The following ATRNL1 variants were observed in gnomAD, a reference collection of about 807,000 sequenced individuals.
ATRNL1 encodes the protein attractin like 1.
Under a neutral mutation model 182.7 loss-of-function variants are expected in ATRNL1, and 95 were observed. That is an observed-to-expected ratio of 0.52 (90% CI 0.44 to 0.62). The LOEUF is 0.62. Ranked by LOEUF, ATRNL1 falls within the 20% of genes least tolerant of loss-of-function variation. ATRNL1 has a pLI of 0.00. For synonymous variants in ATRNL1, 576 were observed against 568.3 expected (o/e 1.01, Z -0.19); for missense variants, 1,471 against 1,679.5 (o/e 0.88, Z 2.17).
chr10:115,245,565 C>G (rs1319284679), intron 10 of ATRNL1, among the ~76,000 whole-genome samples: 16 of 150,214 alleles, frequency 1.1e-4, no homozygotes, highest in African/African-American at 3.7e-4. Context: ...CTGATTTTGT[C>G]CAACTGTTTG....
At chr10:115,394,841 T>G in intron 20 of ATRNL1, 89 bp downstream of exon 20, 1 of 996,004 alleles carries the variant, frequency 1.0e-6, no homozygotes, top group Non-Finnish European at 1.5e-6. Context: ...TTTAGTGTTG[T>G]GCTAGTTAGG....
intron 27 of ATRNL1, among the ~76,000 whole-genome samples, chr10:115,812,634 ACC>A (rs1176286188): frequency 6.6e-6 from 1 of 151,810 alleles, no homozygotes; most frequent in Non-Finnish European, 1.5e-5. Context: ...ACACCACCAC[ACC>A]CAGCTAATTT....
At chr10:115,331,254 G>C (rs2134064830) in intron 18 of ATRNL1, among the ~76,000 whole-genome samples, 1 of 152,184 alleles carries the variant, frequency 6.6e-6, no homozygotes, top group East Asian at 1.9e-4. Flanking sequence ...TAGAGATGGG[G>C]TTTCACCATG....
At chr10:115,239,422 T>A (rs1409503005) in intron 9 of ATRNL1, among the ~76,000 whole-genome samples, 1 of 151,864 alleles carries the variant, frequency 6.6e-6, no homozygotes, top group Non-Finnish European at 1.5e-5. Flanking sequence ...TTAGTAGAGA[T>A]GGGGTTTCAC....
At chr10:115,885,619 A>C (rs1167422024) in intron 28 of ATRNL1, among the ~76,000 whole-genome samples, 1 of 152,240 alleles carries the variant, frequency 6.6e-6, no homozygotes, top group African/African-American at 2.4e-5. Flanking sequence ...GAAATCACTT[A>C]TAATTCCTTA....
In ATRNL1 at chr10:115,232,685, T is replaced by G. The variant is rs187229398; in HGVS notation, c.1533-8886T>G. 7.3e-5 allele frequency among the ~76,000 whole-genome samples: 11 copies of G among 150,158 alleles called. No individual in the cohort carries two copies. In the East Asian group the frequency reaches 7.8e-4, roughly 11 times the overall value. ...CTTTAACCCAACTGGATAAGGACTT[T>G]TGTGTGTGTGTGTGTGTGTATGTGT... is the stretch of plus-strand genomic sequence containing the variant. On this transcript the variant is annotated intron_variant, in intron 9 of 28. Transcript: ENST00000355044.
In ATRNL1 at chr10:115,122,487, G is replaced by C. The variant is rs1844785352; in HGVS notation, c.491+675G>C. Among the ~76,000 whole-genome samples the C allele has an allele frequency of 3.9e-5, 6 of 151,902 alleles. No individual in the cohort carries two copies. In the South Asian group the frequency reaches 1.2e-3, roughly 32 times the overall value. On this transcript the variant is annotated intron_variant, in intron 3 of 28. Transcript: ENST00000355044. ...TTATATATAATTTAACATGATTGTT[G>C]ATAAGTTACTCATTATATTATTTAC...
intron 6 of ATRNL1, among the ~76,000 whole-genome samples, chr10:115,163,514 A>T (rs1268459): frequency 2.0e-5 from 3 of 151,478 alleles, no homozygotes; most frequent in African/African-American, 7.3e-5. Flanking sequence ...TAGGCATGCA[A>T]CACTATGCCT....
At chr10:115,457,335 GCAT>G (rs1224399041) in intron 21 of ATRNL1, among the ~76,000 whole-genome samples, 1 of 151,892 alleles carries the variant, frequency 6.6e-6, no homozygotes, top group Non-Finnish European at 1.5e-5. Context: ...TAGTTAAAAG[GCAT>G]CATACACCAG....
intron 10 of ATRNL1, among the ~76,000 whole-genome samples, chr10:115,263,677 A>G (rs529525640): frequency 5.5e-4 from 83 of 151,910 alleles, no homozygotes; most frequent in African/African-American, 1.9e-3. Flanking sequence ...ACTTTATATA[A>G]TTTCTTTTGC....
At chr10:115,510,285 A>G (rs781931478) in intron 24 of ATRNL1, among the ~76,000 whole-genome samples, 13 of 152,100 alleles carry the variant, frequency 8.5e-5, no homozygotes, top group Non-Finnish European at 1.6e-4. Context: ...TCCAATTGCA[A>G]AAGTTCTGTT....
At chr10:115,392,230 C>A (rs657139) in intron 19 of ATRNL1, among the ~76,000 whole-genome samples, 2 of 151,786 alleles carry the variant, frequency 1.3e-5, no homozygotes, top group Admixed American at 6.6e-5. Context: ...TACTTTTTTT[C>A]AGATTTTTTC....
chr10:115,562,117 TC>T (rs1171328870), intron 26 of ATRNL1, among the ~76,000 whole-genome samples: 1 of 152,124 alleles, frequency 6.6e-6, no homozygotes, highest in African/African-American at 2.4e-5. Context: ...AGTAGAAATA[TC>T]CCAAATGCCT....
chr10:115,179,782 TC>T, intron 8 of ATRNL1, among the ~76,000 whole-genome samples: 1 of 152,196 alleles, frequency 6.6e-6, no homozygotes, highest in South Asian at 2.1e-4. Context: ...TGGAATTAGG[TC>T]CTTCAGTCCA....
chr10:115,632,864 T>TTTTTATTTTA (rs10530158), intron 26 of ATRNL1, among the ~76,000 whole-genome samples: 6,354 of 136,532 alleles, frequency 0.047, 366 homozygotes, highest in African/African-American at 0.13. Context: ...TCACATTAAC[T>TTTTTATTTTA]TTTTATTTTA....
At chr10:115,580,369 G>A (rs1171325092) in intron 26 of ATRNL1, among the ~76,000 whole-genome samples, 1 of 152,008 alleles carries the variant, frequency 6.6e-6, no homozygotes, top group Non-Finnish European at 1.5e-5. Context: ...CTGGTTTGCT[G>A]GGTATAGATG....
intron 28 of ATRNL1, among the ~76,000 whole-genome samples, chr10:115,926,353 G>A (rs1589704413): frequency 6.6e-6 from 1 of 151,982 alleles, no homozygotes; most frequent in Non-Finnish European, 1.5e-5. Context: ...AAAAGAGCTA[G>A]AGAGGCAAGA....
At chr10:115,469,808 G>A (rs1554971771) in intron 24 of ATRNL1, among the ~76,000 whole-genome samples, 1 of 150,330 alleles carries the variant, frequency 6.7e-6, no homozygotes, top group African/African-American at 2.4e-5. Context: ...TACTACATGT[G>A]TGTTTTACAT....
chr10:115,371,876 G>A (rs554248162), intron 19 of ATRNL1, among the ~76,000 whole-genome samples: 12 of 152,246 alleles, frequency 7.9e-5, no homozygotes, highest in Non-Finnish European at 1.3e-4. Flanking sequence ...TGTAGCCCCC[G>A]TAATTCCCAT....
Sources: gnomAD v4.1 joint callset for allele counts (sites outside exome capture counted in the v4.1 genomes callset) on GRCh38, gnomAD v4.1.1 for gene constraint, MANE v1.5 for transcripts, NCBI Gene and HGNC (gene_info 2026-07-23, HGNC 2026-07-21) for gene names.